The following WDR48 variants were observed in gnomAD, a reference collection of about 807,000 sequenced individuals.
The protein encoded by WDR48 is WD repeat-containing protein 48.
In WDR48, 22 loss-of-function variants were observed where a neutral mutation model predicts 94.0. The observed-to-expected ratio is 0.23, with a 90% CI of 0.17 to 0.33. The LOEUF (loss-of-function observed/expected upper bound fraction) is 0.33. Among genes scored for constraint, WDR48 ranks in the 10% least tolerant of loss-of-function variants. WDR48 has a pLI of 1.00. For missense variants in WDR48, 541 were observed against 813.8 expected (o/e 0.66, Z 4.08); for synonymous variants, 278 against 280.5 (o/e 0.99, Z 0.09).
chr3:39,069,428 G>A (rs1218164899), intron 6 of WDR48, among the ~76,000 whole-genome samples: 2 of 152,228 alleles, frequency 1.3e-5, no homozygotes, highest in Admixed American at 6.5e-5. Flanking sequence ...AACTATAACT[G>A]TTGTGTGTAT....
chr3:39,091,778 A>G (rs748819426), intron 17 of WDR48, 77 bp downstream of exon 17: 1 of 1,240,092 alleles, frequency 8.1e-7, no homozygotes, highest in Non-Finnish European at 1.1e-6. Context: ...TTTTATAGCA[A>G]AGGAAGCAAA....
At chr3:39,094,332 G>A in intron 18 of WDR48, 1 of 1,425,060 alleles carries the variant, frequency 7.0e-7, no homozygotes. Context: ...AAAAGCATGT[G>A]CCATGTTTAT....
intron 9 of WDR48, among the ~76,000 whole-genome samples, chr3:39,077,465 A>T (rs1235558824): frequency 6.6e-6 from 1 of 152,228 alleles, no homozygotes; most frequent in Non-Finnish European, 1.5e-5. Flanking sequence ...TAGAATAGAC[A>T]CTGTTGCCTG....
At chr3:39,052,187 G>A in intron 1 of WDR48, 114 bp downstream of exon 1, 2 of 1,317,058 alleles carry the variant, frequency 1.5e-6, no homozygotes, top group Admixed American at 2.2e-5. Context: ...GGGCGAACGG[G>A]GCGGGGCGCG....
At chr3:39,068,376 C>T (rs1253760776) in intron 5 of WDR48, among the ~76,000 whole-genome samples, 1 of 151,964 alleles carries the variant, frequency 6.6e-6, no homozygotes, top group Non-Finnish European at 1.5e-5. Context: ...TTCCATTGTA[C>T]TGTTTTCTTT....
intron 9 of WDR48, 115 bp from the exon 10 acceptor site, chr3:39,078,022 G>C (rs948828079): frequency 1.4e-6 from 1 of 713,168 alleles, no homozygotes; most frequent in Non-Finnish European, 2.4e-6. Flanking sequence ...GGTTGATGTA[G>C]TGGTTGTTGA....
intron 1 of WDR48, among the ~76,000 whole-genome samples, chr3:39,056,111 A>G (rs1458525117): frequency 2.0e-5 from 3 of 152,214 alleles, no homozygotes; most frequent in Non-Finnish European, 2.9e-5. Flanking sequence ...ACATATCAGC[A>G]TATATAGTTT....
chr3:39,086,941 A>G (rs904277278), intron 14 of WDR48, among the ~76,000 whole-genome samples: 2 of 152,062 alleles, frequency 1.3e-5, no homozygotes, highest in Admixed American at 6.5e-5. Flanking sequence ...CTCAGTGGAC[A>G]CTCTGGAGTT....
intron 1 of WDR48, among the ~76,000 whole-genome samples, chr3:39,060,703 G>A (rs747854470): frequency 1.3e-5 from 2 of 152,212 alleles, no homozygotes; most frequent in African/African-American, 4.8e-5. Flanking sequence ...TGCTGGCCAG[G>A]TGCAGTGGCT....
At chr3:39,062,005 C>A (rs2033299258) in intron 1 of WDR48, among the ~76,000 whole-genome samples, 1 of 152,080 alleles carries the variant, frequency 6.6e-6, no homozygotes, top group South Asian at 2.1e-4. Flanking sequence ...TATATTAGCC[C>A]TTTGTCAGAT....
chr3:39,092,546 T>A (rs535109430), intron 17 of WDR48, among the ~76,000 whole-genome samples: 1 of 152,076 alleles, frequency 6.6e-6, no homozygotes, highest in Admixed American at 6.5e-5. Flanking sequence ...GTTAAAGGTT[T>A]TGTTGATGTT....
At chr3:39,089,487 T>C (rs1408937474) in intron 16 of WDR48, 169 bp downstream of exon 16, 2 of 452,734 alleles carry the variant, frequency 4.4e-6, no homozygotes, top group Non-Finnish European at 7.7e-6. Context: ...CTGATAATTA[T>C]TTATCTATCT....
At position 39,093,079 on chromosome 3, in the gene WDR48, G is replaced by T. The variant is rs531138421; in HGVS notation, c.1746-795G>T. Among the ~76,000 whole-genome samples the T allele has an allele frequency of 1.5e-4, 23 of 152,322 alleles. No homozygotes were observed. In the South Asian group the frequency reaches 4.8e-3, roughly 32 times the overall value. Reference sequence around the variant, plus strand: ...GTTTGGGACATACAGAGTTTGAGGTGCCTGTAGGACATCCAACTGAAGATA... The same window carrying T: ...GTTTGGGACATACAGAGTTTGAGGTTCCTGTAGGACATCCAACTGAAGATA... On this transcript the variant is annotated intron_variant, in intron 17 of 18. Transcript: ENST00000302313.
At position 39,095,306 on chromosome 3, in the gene WDR48, T is replaced by C. The variant is rs1386062793; in HGVS notation, c.*563T>C. 6.5e-6 allele frequency: 1 copy of C among 154,218 alleles called. No individual in the cohort carries two copies. Among genetic ancestry groups the C allele is most frequent in the Non-Finnish European group, 1.4e-5 (1 of 69,092 alleles). The allele number at this position is 154,218 out of a possible 1,614,324, so 9.6% of individuals were successfully genotyped here. On this transcript the variant is annotated 3_prime_UTR_variant, in exon 19 of 19. Transcript: ENST00000302313. ...AACCAGCCCATTTCATAATAAAAGA[T>C]TAATGTTGGGCTTGTTGTTAATATT... is the stretch of plus-strand genomic sequence containing the variant.
In WDR48 at chr3:39,088,136, G is replaced by A; in HGVS notation, c.1483G>A (p.Glu495Lys). ...EENEVNHVNG[E>K]QENRVQKGNG... is the part of the protein sequence containing the mutation. ...CCTGCATCTTTTCCTAGTAAATGGG[G>A]AGCAGGAGAACCGAGTGCAGAAGGG... is the stretch of plus-strand genomic sequence containing the variant. Residue 495 changes from glutamate to lysine, a missense_variant, in exon 15 of 19, where the codon GAG becomes AAG. Transcript: ENST00000302313. 6.2e-7 allele frequency: 1 copy of A among 1,614,066 alleles called. No individual in the cohort carries two copies. Among genetic ancestry groups the A allele is most frequent in the East Asian group, 2.2e-5 (1 of 44,878 alleles).
chr3:39,085,981 C>T (rs1348538345), intron 14 of WDR48, among the ~76,000 whole-genome samples: 2 of 152,168 alleles, frequency 1.3e-5, no homozygotes, highest in Middle Eastern at 3.2e-3. Flanking sequence ...ATCAGAAAGC[C>T]AGGTTTGTCA....
At chr3:39,077,007 G>C in intron 8 of WDR48, 132 bp from the exon 9 acceptor site, 1 of 954,918 alleles carries the variant, frequency 1.0e-6, no homozygotes, top group Non-Finnish European at 1.6e-6. Flanking sequence ...TGCATCCTTA[G>C]TTTTTCACAC....
intron 14 of WDR48, among the ~76,000 whole-genome samples, chr3:39,087,613 C>T (rs185830354): frequency 5.9e-5 from 9 of 152,040 alleles, no homozygotes; most frequent in East Asian, 1.9e-4. Context: ...AATGAGACCC[C>T]GTCTCAAAGA....
chr3:39,063,779 CA>C (rs113083559), intron 2 of WDR48, among the ~76,000 whole-genome samples: 13 of 141,264 alleles, frequency 9.2e-5, no homozygotes, highest in Admixed American at 7.2e-5. Context: ...CCTGTCTCTG[CA>C]AAAAAAAAAA....
Sources: gnomAD v4.1 joint callset for allele counts (sites outside exome capture counted in the v4.1 genomes callset) on GRCh38, gnomAD v4.1.1 for gene constraint, MANE v1.5 for transcripts, NCBI Gene and HGNC (gene_info 2026-07-23, HGNC 2026-07-21) for gene names.